Variants in CNBD1 observed in about 807,000 individuals in gnomAD.
CNBD1 encodes cyclic nucleotide-binding domain-containing protein 1.
Under a neutral mutation model 54.4 loss-of-function variants are expected in CNBD1, and 71 were observed. That is an observed-to-expected ratio of 1.30 (90% CI 1.08 to 1.59). The LOEUF is 1.59. Among genes scored for constraint, CNBD1 ranks in the 40% most tolerant of loss-of-function variants. The pLI is 0.00. For missense variants in CNBD1, 659 were observed against 518.0 expected (o/e 1.27, Z -2.64); for synonymous variants, 182 against 170.7 (o/e 1.07, Z -0.51).
chr8:86,936,310 A>G (rs186028656), intron 3 of CNBD1, among the ~76,000 whole-genome samples: 98 of 152,338 alleles, frequency 6.4e-4, no homozygotes, highest in African/African-American at 2.2e-3. Flanking sequence ...TGATCATTCA[A>G]ATTATAAAAT....
At chr8:87,389,954 A>G (rs900025670) in intron 2 of CNBD1, among the ~76,000 whole-genome samples, 4 of 152,126 alleles carry the variant, frequency 2.6e-5, no homozygotes, top group Non-Finnish European at 4.4e-5. Context: ...CATATCTACA[A>G]CAATCTGATC....
chr8:87,139,913 T>G (rs1413826088), intron 4 of CNBD1, among the ~76,000 whole-genome samples: 1 of 152,154 alleles, frequency 6.6e-6, no homozygotes, highest in Admixed American at 6.6e-5. Context: ...CTATCTACCT[T>G]TATTTGGAAT....
At position 87,146,256 on chromosome 8, in the gene CNBD1, A is replaced by T. The variant is rs181919446; in HGVS notation, c.432-59737A>T. On this transcript the variant is annotated intron_variant, in intron 4 of 10. Transcript: ENST00000518476. ...AAAATTATAATATATTTGCATACAAATAAAATTGTTATGACTGTTGGAATT... is the reference window on the plus strand; with the variant it reads ...AAAATTATAATATATTTGCATACAATTAAAATTGTTATGACTGTTGGAATT... 5.1e-3 allele frequency among the ~76,000 whole-genome samples: 769 copies of T among 152,276 alleles called. 6 individuals carry two copies. Among genetic ancestry groups the T allele is most frequent in the African/African-American group, 0.018 (735 of 41,568 alleles).
intron 3 of CNBD1, among the ~76,000 whole-genome samples, chr8:86,916,711 A>T (rs1004821804): frequency 1.2e-4 from 18 of 147,304 alleles, no homozygotes; most frequent in East Asian, 5.9e-4. Flanking sequence ...TTTATTTTTT[A>T]TTTTTTTTTT....
chr8:87,060,914 C>T lies in CNBD1; in HGVS notation c.431+121160C>T, dbSNP rs181502550. Among the ~76,000 whole-genome samples the T allele has an allele frequency of 3.4e-3, 514 of 152,212 alleles. 4 individuals are homozygous for T. Among genetic ancestry groups the T allele is most frequent in the Non-Finnish European group, 5.9e-3 (398 of 68,014 alleles). ...GCATTTTTGCTTATGGAGGAAGAAG[C>T]TGGTCACCAATAAATATTCCTTACT... On this transcript the variant is annotated intron_variant, in intron 4 of 10. Transcript: ENST00000518476.
chr8:87,198,307 CT>C (rs1312881813), intron 4 of CNBD1, among the ~76,000 whole-genome samples: 1 of 152,192 alleles, frequency 6.6e-6, no homozygotes, highest in Non-Finnish European at 1.5e-5. Flanking sequence ...CACAATGTGA[CT>C]TATCTACCAG....
At chr8:86,929,383 CT>C (rs1353642991) in intron 3 of CNBD1, among the ~76,000 whole-genome samples, 3 of 152,186 alleles carry the variant, frequency 2.0e-5, no homozygotes, top group African/African-American at 7.2e-5. Context: ...AGTAGTTCTG[CT>C]AACTGGGCGC....
intron 4 of CNBD1, among the ~76,000 whole-genome samples, chr8:87,006,209 GA>G (rs34989427): frequency 6.6e-6 from 1 of 152,042 alleles, no homozygotes; most frequent in East Asian, 1.9e-4. Context: ...TAAATCGGGG[GA>G]AAAAAGTGTC....
At chr8:87,337,117 C>A (rs66998906) in intron 8 of CNBD1, among the ~76,000 whole-genome samples, 1 of 151,960 alleles carries the variant, frequency 6.6e-6, no homozygotes, top group Non-Finnish European at 1.5e-5. Flanking sequence ...GACCTGATAC[C>A]AGTAGGAATG....
intron 8 of CNBD1, among the ~76,000 whole-genome samples, chr8:87,344,779 C>A (rs958951639): frequency 2.6e-5 from 4 of 152,048 alleles, no homozygotes; most frequent in East Asian, 3.9e-4. Flanking sequence ...CCATGTACTT[C>A]CTTTGACCAG....
At position 87,129,069 on chromosome 8, in the gene CNBD1, C is replaced by CAAAAAAAAAAAAAAAAAAAAAAA. The variant is rs570657716; in HGVS notation, c.432-76902_432-76901insAAAAAAAAAAAAAAAAAAAAAAA. On this transcript the variant is annotated intron_variant, in intron 4 of 10. Transcript: ENST00000518476. The stretch of plus-strand genomic sequence containing the variant: ...TGAGCCACAGAGCAAGACTCTGCCT[C>CAAAAAAAAAAAAAAAAAAAAAAA]AAAAAAAAAAAAAAAAAAAAAAGAA... Among the ~76,000 whole-genome samples the CAAAAAAAAAAAAAAAAAAAAAAA allele has an allele frequency of 4.1e-3, 108 of 26,168 alleles. 16 individuals are homozygous for CAAAAAAAAAAAAAAAAAAAAAAA. Among genetic ancestry groups the CAAAAAAAAAAAAAAAAAAAAAAA allele is most frequent in the Non-Finnish European group, 4.8e-3 (67 of 14,096 alleles). The allele number at this position is 26,168 out of a possible 152,430, so 17.2% of individuals were successfully genotyped here.
At chr8:87,082,265 A>T (rs1212393218) in intron 4 of CNBD1, among the ~76,000 whole-genome samples, 1 of 152,060 alleles carries the variant, frequency 6.6e-6, no homozygotes. Flanking sequence ...TGCCCGCAAG[A>T]GATAACCACC....
intron 1 of CNBD1, among the ~76,000 whole-genome samples, chr8:86,883,782 A>C (rs1236435499): frequency 6.6e-6 from 1 of 152,248 alleles, no homozygotes; most frequent in Non-Finnish European, 1.5e-5. Flanking sequence ...GGGGAAATAG[A>C]AAAGATAAAC....
At position 87,373,111 on chromosome 8, in the gene CNBD1, C is replaced by T. The variant is rs552335750; in HGVS notation, c.1304-9509C>T. Among the ~76,000 whole-genome samples the T allele has an allele frequency of 2.0e-5, 3 of 151,802 alleles. No homozygotes were observed. The South Asian group carries it at 6.2e-4, about 31-fold the overall frequency. ...GAATTCTTCCAGTAATAAATAAAGG[C>T]ATAGTTTACATATTTTTAAATTGGA... On this transcript the variant is annotated intron_variant, in intron 10 of 10. Coordinates refer to ENST00000518476, the MANE Select transcript of CNBD1 (RefSeq NM_173538.3).
chr8:87,123,052 T>G (rs572705545), intron 4 of CNBD1, among the ~76,000 whole-genome samples: 1 of 151,884 alleles, frequency 6.6e-6, no homozygotes, highest in Non-Finnish European at 1.5e-5. Context: ...ATACAAACTT[T>G]AGGATTGTAT....
At chr8:87,012,437 G>A (rs548926709) in intron 4 of CNBD1, among the ~76,000 whole-genome samples, 11 of 151,922 alleles carry the variant, frequency 7.2e-5, no homozygotes, top group South Asian at 2.1e-4. Context: ...TATGAGACAA[G>A]GAAAAAAATA....
At chr8:87,026,092 C>G (rs1484410087) in intron 4 of CNBD1, among the ~76,000 whole-genome samples, 1 of 152,050 alleles carries the variant, frequency 6.6e-6, no homozygotes, top group African/African-American at 2.4e-5. Context: ...AAATGTTTTG[C>G]TTATTTTTTG....
rs1392254065 is a variant in CNBD1 at position 87,322,138 on chromosome 8, A to C, written c.1043-29547A>C. On this transcript the variant is annotated intron_variant, in intron 8 of 10. Transcript: ENST00000518476. ...TCCCTACAAAGGACATGAACTCATC[A>C]TTTTTTATGGCTGCATAGTATTCCA... Among the ~76,000 whole-genome samples the C allele has an allele frequency of 3.3e-5, 4 of 121,048 alleles. 1 individual carries two copies. The highest frequency in any genetic ancestry group is 2.0e-4 in the East Asian group (1 of 4,912). The allele number at this position is 121,048 out of a possible 152,430, so 79.4% of individuals were successfully genotyped here.
intron 3 of CNBD1, among the ~76,000 whole-genome samples, chr8:86,936,387 T>G (rs1809548634): frequency 1.3e-5 from 2 of 152,122 alleles, no homozygotes; most frequent in Non-Finnish European, 2.9e-5. Flanking sequence ...ACAATACAAA[T>G]GTTATGTATT....
Sources: gnomAD v4.1 joint callset for allele counts (sites outside exome capture counted in the v4.1 genomes callset) on GRCh38, gnomAD v4.1.1 for gene constraint, MANE v1.5 for transcripts, NCBI Gene and HGNC (gene_info 2026-07-23, HGNC 2026-07-21) for gene names.